PCDH15: variants seen among roughly 807,000 people sequenced by gnomAD.
The protein encoded by PCDH15 is protocadherin related 15, also known as protocadherin-15.
In PCDH15, 129 loss-of-function variants were observed where a neutral mutation model predicts 178.5. The ratio of observed to expected loss-of-function variants is 0.72; its 90% CI spans 0.63 to 0.84. The LOEUF (loss-of-function observed/expected upper bound fraction) is 0.84, where lower values mean the gene tolerates loss of function less well. Among genes scored for constraint, PCDH15 ranks in the 40% least tolerant of loss-of-function variants. The probability of loss-of-function intolerance (pLI) is 0.00; values close to 1 mark genes in which losing one functional copy is unlikely to be tolerated. For synonymous variants in PCDH15, 800 were observed against 732.0 expected (o/e 1.09, Z -1.50); for missense variants, 2,230 against 2,099.9 (o/e 1.06, Z -1.21).
intron 3 of PCDH15, among the ~76,000 whole-genome samples, chr10:54,457,517 C>T (rs1399939727): frequency 1.3e-5 from 2 of 152,126 alleles, no homozygotes; most frequent in African/African-American, 4.8e-5. Flanking sequence ...ACCAGATACT[C>T]CTCAGTGTAT....
At chr10:54,253,663 T>C (rs941608664) in intron 8 of PCDH15, among the ~76,000 whole-genome samples, 1 of 152,128 alleles carries the variant, frequency 6.6e-6, no homozygotes, top group Non-Finnish European at 1.5e-5. Flanking sequence ...GATTTCTTTT[T>C]ATAAATGCAA....
chr10:53,865,606 C>A lies in PCDH15; in HGVS notation c.3717+1036G>T, dbSNP rs2079394218. On this transcript the variant is annotated intron_variant, in intron 27 of 37. Coordinates refer to ENST00000644397, the MANE Select transcript of PCDH15 (RefSeq NM_001384140.1). ...CAAAAATTTATGTCAAACTTAATAT[C>A]TCCTATGTCAAAAGCTTCTTGGCTT... Among the ~76,000 whole-genome samples the A allele has an allele frequency of 2.0e-5, 3 of 152,162 alleles. No individual in the cohort carries two copies. The South Asian group carries it at 6.2e-4, about 31-fold the overall frequency.
At chr10:55,320,253 C>A (rs1353325951), upstream of PCDH15, among the ~76,000 whole-genome samples, 5 of 152,156 alleles carry the variant, frequency 3.3e-5, no homozygotes, top group Admixed American at 6.5e-5. Context: ...AACTACCCCA[C>A]CACCACTTGG....
intron 2 of PCDH15, among the ~76,000 whole-genome samples, chr10:55,359,720 GTATATATATATATA>G (rs57949952): frequency 8.9e-6 from 1 of 112,942 alleles, no homozygotes; most frequent in South Asian, 3.1e-4. Context: ...AAAATGTGGT[GTATATATATATATA>G]TATATATATA....
intron 3 of PCDH15, among the ~76,000 whole-genome samples, chr10:54,414,095 A>G (rs1326972493): frequency 6.6e-6 from 1 of 152,166 alleles, no homozygotes; most frequent in Non-Finnish European, 1.5e-5. Flanking sequence ...ATAAAACACT[A>G]CAAAAGAAAA....
At chr10:54,161,298 G>C (rs2045687780) in intron 13 of PCDH15, among the ~76,000 whole-genome samples, 1 of 152,084 alleles carries the variant, frequency 6.6e-6, no homozygotes, top group Admixed American at 6.6e-5. Flanking sequence ...TAAAATAAAA[G>C]TAAAAGATAC....
At chr10:54,701,465 G>T (rs1223339999) in intron 1 of PCDH15, among the ~76,000 whole-genome samples, 1 of 151,988 alleles carries the variant, frequency 6.6e-6, no homozygotes, top group East Asian at 1.9e-4. Flanking sequence ...TATTAACCTT[G>T]AATGTAAATG....
At chr10:55,579,887 G>T (rs1311890037) in intron 2 of PCDH15, among the ~76,000 whole-genome samples, 1 of 151,666 alleles carries the variant, frequency 6.6e-6, no homozygotes, top group African/African-American at 2.4e-5. Flanking sequence ...AAAGAGTTTC[G>T]CTCTTGTTGT....
At chr10:55,344,693 T>G (rs1277309876) in intron 2 of PCDH15, among the ~76,000 whole-genome samples, 1 of 151,984 alleles carries the variant, frequency 6.6e-6, no homozygotes, top group African/African-American at 2.4e-5. Context: ...TTTGAGATAT[T>G]CAACCAGAGA....
At chr10:54,494,113 C>T (rs1349304330) in intron 3 of PCDH15, among the ~76,000 whole-genome samples, 2 of 151,418 alleles carry the variant, frequency 1.3e-5, no homozygotes, top group Non-Finnish European at 2.9e-5. Context: ...GGAGGGATAG[C>T]ATTAGGAGAT....
chr10:54,469,646 G>T (rs922253600), intron 3 of PCDH15, among the ~76,000 whole-genome samples: 1 of 152,132 alleles, frequency 6.6e-6, no homozygotes, highest in Non-Finnish European at 1.5e-5. Context: ...CACTAGCACT[G>T]GTGTCAGCAG....
intron 1 of PCDH15, among the ~76,000 whole-genome samples, chr10:55,311,370 T>G (rs1843581817): frequency 6.6e-6 from 1 of 152,210 alleles, no homozygotes; most frequent in Non-Finnish European, 1.5e-5. Context: ...TATTCAGTCC[T>G]GCATTCAAGA....
chr10:54,802,822 G>A (rs1160285283), upstream of PCDH15, among the ~76,000 whole-genome samples: 1 of 152,126 alleles, frequency 6.6e-6, no homozygotes, highest in Non-Finnish European at 1.5e-5. Context: ...TCGTGGTAAT[G>A]TTCAATGATA....
intron 2 of PCDH15, among the ~76,000 whole-genome samples, chr10:54,987,345 T>G (rs1375905113): frequency 6.6e-6 from 1 of 152,200 alleles, no homozygotes; most frequent in Non-Finnish European, 1.5e-5. Context: ...TGTATCTTTA[T>G]GGTAGAATGA....
At chr10:55,148,258 T>C (rs935308013) in intron 2 of PCDH15, among the ~76,000 whole-genome samples, 1 of 151,858 alleles carries the variant, frequency 6.6e-6, no homozygotes, top group African/African-American at 2.4e-5. Flanking sequence ...TGAGTTGAGG[T>C]ATTAATATTT....
chr10:54,813,671 C>T (rs1409239824), intron 3 of PCDH15, among the ~76,000 whole-genome samples: 3 of 152,194 alleles, frequency 2.0e-5, no homozygotes. Flanking sequence ...AATCATTGTT[C>T]TTCAAGACTA....
chr10:54,284,847 T>G (rs954064902), intron 8 of PCDH15, among the ~76,000 whole-genome samples: 2 of 152,192 alleles, frequency 1.3e-5, no homozygotes, highest in Non-Finnish European at 2.9e-5. Flanking sequence ...GAGTAGAGTC[T>G]CTAAAATATT....
intron 2 of PCDH15, among the ~76,000 whole-genome samples, chr10:54,595,803 C>T (rs2092203667): frequency 6.6e-6 from 1 of 152,060 alleles, no homozygotes; most frequent in South Asian, 2.1e-4. Flanking sequence ...CTGAAAAACA[C>T]TCTACAAGAA....
intron 2 of PCDH15, among the ~76,000 whole-genome samples, chr10:55,058,109 C>A (rs1841348797): frequency 6.6e-6 from 1 of 152,090 alleles, no homozygotes; most frequent in South Asian, 2.1e-4. Context: ...ATGCTAGATA[C>A]AAAATAAAAA....
Sources: gnomAD v4.1 joint callset for allele counts (sites outside exome capture counted in the v4.1 genomes callset) on GRCh38, gnomAD v4.1.1 for gene constraint, MANE v1.5 for transcripts, NCBI Gene and HGNC (gene_info 2026-07-23, HGNC 2026-07-21) for gene names.